ANGPT1: variants seen among roughly 807,000 people sequenced by gnomAD.
ANGPT1 encodes the protein angiopoietin 1, also known as angiopoietin-1.
A neutral mutation model predicts 62.2 loss-of-function variants in ANGPT1; 17 were observed. That is an observed-to-expected ratio of 0.27 (90% CI 0.19 to 0.41). ANGPT1 has a LOEUF of 0.41. ANGPT1 is among the 10% of genes least tolerant of loss of function. ANGPT1 has a pLI of 1.00. For missense variants in ANGPT1, 478 were observed against 594.9 expected (o/e 0.80, Z 2.04); for synonymous variants, 199 against 198.9 (o/e 1.00, Z 0.00).
intron 2 of ANGPT1, among the ~76,000 whole-genome samples, chr8:107,338,840 C>G (rs1406441992): frequency 1.3e-5 from 2 of 152,282 alleles, no homozygotes; most frequent in Middle Eastern, 3.4e-3. Context: ...GAATGAAACA[C>G]TTGTATGTTT....
chr8:107,394,302 C>T (rs866382425), intron 1 of ANGPT1, among the ~76,000 whole-genome samples: 34 of 152,178 alleles, frequency 2.2e-4, no homozygotes, highest in African/African-American at 7.5e-4. Context: ...TTCTAGTTGA[C>T]TCTTACTAGA....
intron 1 of ANGPT1, among the ~76,000 whole-genome samples, chr8:107,364,971 G>GAA (rs5893850): frequency 9.3e-5 from 14 of 150,530 alleles, no homozygotes; most frequent in Non-Finnish European, 1.8e-4. Flanking sequence ...GCAGAAGGGG[G>GAA]AAAAAAAAAG....
At chr8:107,483,639 T>G (rs1034717644) in intron 1 of ANGPT1, among the ~76,000 whole-genome samples, 4 of 152,162 alleles carry the variant, frequency 2.6e-5, no homozygotes, top group African/African-American at 9.6e-5. Flanking sequence ...CCCAGAATAT[T>G]ACAAATAGTA....
chr8:107,283,620 G>GC (rs1814068365), intron 7 of ANGPT1, among the ~76,000 whole-genome samples: 1 of 152,086 alleles, frequency 6.6e-6, no homozygotes, highest in African/African-American at 2.4e-5. Context: ...CAAAACACAC[G>GC]CAAGGGTTGG....
At chr8:107,457,285 T>C (rs191944664) in intron 1 of ANGPT1, among the ~76,000 whole-genome samples, 1 of 152,176 alleles carries the variant, frequency 6.6e-6, no homozygotes, top group Admixed American at 6.6e-5. Flanking sequence ...GCAAAATAAT[T>C]AGCACATATG....
At chr8:107,292,619 A>C (rs572713136) in intron 6 of ANGPT1, among the ~76,000 whole-genome samples, 1 of 152,326 alleles carries the variant, frequency 6.6e-6, no homozygotes, top group Non-Finnish European at 1.5e-5. Context: ...TTTATGAAAT[A>C]ACAAAGACAT....
At chr8:107,493,163 T>C (rs1403856195) in intron 1 of ANGPT1, among the ~76,000 whole-genome samples, 1 of 150,516 alleles carries the variant, frequency 6.6e-6, no homozygotes, top group Non-Finnish European at 1.5e-5. Context: ...AGACCCTTAA[T>C]GAACATGTTC....
chr8:107,392,957 T>C (rs1816863650), intron 1 of ANGPT1, among the ~76,000 whole-genome samples: 1 of 152,164 alleles, frequency 6.6e-6, no homozygotes, highest in African/African-American at 2.4e-5. Flanking sequence ...CTTTGTCTAA[T>C]CTGAAGCCAA....
chr8:107,283,490 T>G (rs1445169606), intron 7 of ANGPT1, among the ~76,000 whole-genome samples: 1 of 151,988 alleles, frequency 6.6e-6, no homozygotes, highest in African/African-American at 2.4e-5. Context: ...TGAAATGAGT[T>G]GTGCCTATGA....
chr8:107,370,396 G>GAAAA lies in ANGPT1; in HGVS notation c.298-23300_298-23299insTTTT. Among the ~76,000 whole-genome samples the GAAAA allele has an allele frequency of 3.2e-5, 2 of 62,286 alleles. 1 individual carries two copies. The highest frequency in any genetic ancestry group is 8.2e-5 in the Non-Finnish European group (2 of 24,432). The allele number at this position is 62,286 out of a possible 152,430, so 40.9% of individuals were successfully genotyped here. A position where few individuals can be genotyped will look rare whatever the true frequency, so the allele number is the denominator to read the frequency against. ...AGAAAGAAAGAAAGAAAGAAAGAAA[G>GAAAA]AAAGAAAGAAAGAGTCAGGGTCAGT... On this transcript the variant is annotated intron_variant, in intron 1 of 8. Transcript: ENST00000517746.
chr8:107,475,165 C>T (rs910497738), intron 1 of ANGPT1, among the ~76,000 whole-genome samples: 10 of 152,260 alleles, frequency 6.6e-5, no homozygotes, highest in East Asian at 1.9e-4. Flanking sequence ...GGAGGCATCA[C>T]GCTACCTGAC....
chr8:107,459,278 A>C (rs1463914041), intron 1 of ANGPT1, among the ~76,000 whole-genome samples: 1 of 152,162 alleles, frequency 6.6e-6, no homozygotes, highest in Non-Finnish European at 1.5e-5. Flanking sequence ...GGCCAGGCAC[A>C]GTGGCTCACG....
chr8:107,339,907 A>G (rs1443820722), intron 2 of ANGPT1, among the ~76,000 whole-genome samples: 1 of 152,236 alleles, frequency 6.6e-6, no homozygotes, highest in Non-Finnish European at 1.5e-5. Context: ...AAGGAGTCCA[A>G]TATCAGAAGT....
At chr8:107,410,383 C>A (rs1306120328) in intron 1 of ANGPT1, among the ~76,000 whole-genome samples, 1 of 152,160 alleles carries the variant, frequency 6.6e-6, no homozygotes, top group Non-Finnish European at 1.5e-5. Flanking sequence ...CTCTGGAATG[C>A]CCTTCCTCCC....
rs79005300 is a variant in ANGPT1, at chr8:107,334,624, G to A, written c.575+1526C>T. Among the ~76,000 whole-genome samples, 1,210 of 152,070 alleles carry A rather than the reference G, an allele frequency of 8.0e-3. 13 individuals carry two copies. Among genetic ancestry groups the A allele is most frequent in the African/African-American group, 0.028 (1,146 of 41,480 alleles). The stretch of plus-strand genomic sequence containing the variant: ...AGAAAAATAAGGGAAAATTGTCATC[G>A]TTTTACTTATCCATGATTCCTGGGC... On this transcript the variant is annotated intron_variant, in intron 3 of 8. Transcript: ENST00000517746.
At chr8:107,286,537 T>C (rs1440262110) in intron 6 of ANGPT1, among the ~76,000 whole-genome samples, 2 of 152,172 alleles carry the variant, frequency 1.3e-5, no homozygotes, top group African/African-American at 4.8e-5. Flanking sequence ...TTCCAGGCTT[T>C]GGCCCTCGTT....
chr8:107,281,784 A>C (rs1358804754), intron 7 of ANGPT1, among the ~76,000 whole-genome samples: 1 of 152,194 alleles, frequency 6.6e-6, no homozygotes, highest in African/African-American at 2.4e-5. Context: ...GTCTCAAAAA[A>C]ACAATGTGTC....
chr8:107,288,990 C>T (rs776027537), intron 6 of ANGPT1, among the ~76,000 whole-genome samples: 47 of 152,084 alleles, frequency 3.1e-4, no homozygotes, highest in Non-Finnish European at 4.0e-4. Context: ...AAAGCAGCAA[C>T]GAATGAGTAA....
intron 1 of ANGPT1, among the ~76,000 whole-genome samples, chr8:107,399,529 G>T (rs548853075): frequency 1.3e-5 from 2 of 151,922 alleles, no homozygotes; most frequent in Admixed American, 1.3e-4. Flanking sequence ...CATTAAAAAC[G>T]CATCATTTAA....
Sources: gnomAD v4.1 joint callset for allele counts (sites outside exome capture counted in the v4.1 genomes callset) on GRCh38, gnomAD v4.1.1 for gene constraint, MANE v1.5 for transcripts, NCBI Gene and HGNC (gene_info 2026-07-23, HGNC 2026-07-21) for gene names.